The following RASGRP1 variants were observed in gnomAD, a reference collection of about 807,000 sequenced individuals.
RASGRP1 encodes the protein RAS guanyl releasing protein 1.
In RASGRP1, 37 loss-of-function variants were observed where a neutral mutation model predicts 95.1. The observed-to-expected ratio is 0.39, with a 90% CI of 0.30 to 0.51. The LOEUF (loss-of-function observed/expected upper bound fraction) is 0.51. Ranked by LOEUF, RASGRP1 falls within the 20% of genes least tolerant of loss-of-function variation. The pLI, the probability that RASGRP1 is intolerant of heterozygous loss-of-function variation, is 0.80. For missense variants in RASGRP1, 711 were observed against 965.4 expected (o/e 0.74, Z 3.49); for synonymous variants, 325 against 353.4 (o/e 0.92, Z 0.90).
chr15:38,520,413 G>A (rs1891956915), intron 3 of RASGRP1, among the ~76,000 whole-genome samples: 1 of 152,164 alleles, frequency 6.6e-6, no homozygotes, highest in Non-Finnish European at 1.5e-5. Context: ...GTTAAATAAA[G>A]AAAAGCAAAA....
intron 2 of RASGRP1, among the ~76,000 whole-genome samples, chr15:38,546,498 G>A (rs1893110897): frequency 6.6e-6 from 1 of 152,088 alleles, no homozygotes; most frequent in African/African-American, 2.4e-5. Flanking sequence ...CAAAGTGCTG[G>A]GATTACAGGC....
intron 2 of RASGRP1, among the ~76,000 whole-genome samples, chr15:38,554,005 C>T (rs1395099432): frequency 6.6e-6 from 1 of 152,184 alleles, no homozygotes; most frequent in Non-Finnish European, 1.5e-5. Context: ...GACAGTATTT[C>T]TCAACATCCA....
intron 2 of RASGRP1, among the ~76,000 whole-genome samples, chr15:38,557,049 T>C (rs1183746534): frequency 6.6e-6 from 1 of 152,198 alleles, no homozygotes; most frequent in Non-Finnish European, 1.5e-5. Flanking sequence ...TGCTTTAATC[T>C]AAAGCACCAC....
intron 13 of RASGRP1, 49 bp from the exon 14 acceptor site, chr15:38,500,188 G>T (rs1234124697): frequency 3.8e-6 from 6 of 1,590,536 alleles, no homozygotes; most frequent in Non-Finnish European, 5.2e-6. Flanking sequence ...TCCATCTGGT[G>T]TGAGGCTACA....
At chr15:38,541,806 G>A (rs1002762633) in intron 2 of RASGRP1, among the ~76,000 whole-genome samples, 1 of 152,176 alleles carries the variant, frequency 6.6e-6, no homozygotes, top group Non-Finnish European at 1.5e-5. Context: ...CAAGCCTGAA[G>A]AAGCTACAGG....
chr15:38,548,745 T>G (rs1566936009), intron 2 of RASGRP1, among the ~76,000 whole-genome samples: 1 of 152,180 alleles, frequency 6.6e-6, no homozygotes, highest in Non-Finnish European at 1.5e-5. Flanking sequence ...AGAAAAAAGG[T>G]TCACATACTA....
At chr15:38,513,072 G>A in intron 6 of RASGRP1, 116 bp from the exon 7 acceptor site, 1 of 1,047,524 alleles carries the variant, frequency 9.5e-7, no homozygotes, top group Non-Finnish European at 1.3e-6. Flanking sequence ...AACTGCCATG[G>A]AACAGAGGAG....
At chr15:38,499,803 G>A (rs1595823165) in intron 14 of RASGRP1, among the ~76,000 whole-genome samples, 1 of 152,264 alleles carries the variant, frequency 6.6e-6, no homozygotes, top group East Asian at 1.9e-4. Flanking sequence ...TGAATCCTGG[G>A]GGCGGTTACC....
chr15:38,514,597 T>C (rs1052416258), intron 6 of RASGRP1, among the ~76,000 whole-genome samples: 2 of 152,160 alleles, frequency 1.3e-5, no homozygotes, highest in African/African-American at 4.8e-5. Flanking sequence ...TAAAACTGTT[T>C]AGCACTGTAC....
intron 2 of RASGRP1, among the ~76,000 whole-genome samples, chr15:38,557,315 G>A (rs1893602928): frequency 6.6e-6 from 1 of 152,172 alleles, no homozygotes; most frequent in African/African-American, 2.4e-5. Flanking sequence ...ACAGACAAAA[G>A]GTGCTGGCTT....
intron 14 of RASGRP1, chr15:38,499,227 C>T: frequency 1.8e-6 from 1 of 561,876 alleles, no homozygotes; most frequent in Non-Finnish European, 3.3e-6. Context: ...ATACATTCTG[C>T]CTACTCTAGG....
intron 2 of RASGRP1, among the ~76,000 whole-genome samples, chr15:38,538,780 G>A (rs755731845): frequency 3.9e-5 from 6 of 152,144 alleles, no homozygotes; most frequent in Non-Finnish European, 8.8e-5. Context: ...CCAACAGAGA[G>A]ATAATCCAGA....
intron 9 of RASGRP1, 89 bp from the exon 10 acceptor site, chr15:38,506,009 G>A: frequency 9.5e-7 from 1 of 1,054,506 alleles, no homozygotes; most frequent in Non-Finnish European, 1.4e-6. Context: ...TTCCTTGCCA[G>A]TAGTTTACTC....
chr15:38,510,601 G>A (rs1250980478), intron 8 of RASGRP1, among the ~76,000 whole-genome samples: 1 of 152,212 alleles, frequency 6.6e-6, no homozygotes, highest in Non-Finnish European at 1.5e-5. Context: ...TGCTCAAAGA[G>A]CAGTCATTAT....
intron 2 of RASGRP1, among the ~76,000 whole-genome samples, chr15:38,529,576 T>G (rs1485161079): frequency 6.6e-6 from 1 of 152,242 alleles, no homozygotes; most frequent in Non-Finnish European, 1.5e-5. Flanking sequence ...CTCATGGTAC[T>G]TACCATTATC....
intron 3 of RASGRP1, among the ~76,000 whole-genome samples, chr15:38,523,205 A>T (rs1389091627): frequency 6.6e-6 from 1 of 152,236 alleles, no homozygotes; most frequent in Non-Finnish European, 1.5e-5. Context: ...CATGTGCTGC[A>T]TAACATTTTG....
At position 38,508,558 on chromosome 15, in the gene RASGRP1, A is replaced by G. The variant is rs188130694; in HGVS notation, c.967-557T>C. On this transcript the variant is annotated intron_variant, in intron 8 of 16. Transcript: ENST00000310803. ...TATGAGGTGCTTGATGGGCCTTTCAAGATTCTCAGAATGGGCCTATGACTA... is the reference window on the plus strand; with the variant it reads ...TATGAGGTGCTTGATGGGCCTTTCAGGATTCTCAGAATGGGCCTATGACTA... Among the ~76,000 whole-genome samples, 597 of 152,318 alleles carry G rather than the reference A, an allele frequency of 3.9e-3. 6 individuals carry two copies. Among genetic ancestry groups the G allele is most frequent in the African/African-American group, 0.013 (558 of 41,570 alleles).
chr15:38,519,296 A>G lies in RASGRP1; in HGVS notation c.389+13T>C. The G allele has an allele frequency of 6.6e-7, 1 of 1,517,322 alleles. No individual in the cohort carries two copies. Among genetic ancestry groups the G allele is most frequent in the South Asian group, 1.1e-5 (1 of 87,724 alleles). The allele number at this position is 1,517,322 out of a possible 1,614,324, so 94.0% of individuals were successfully genotyped here. On this transcript the variant is annotated intron_variant, in intron 4 of 16. Transcript: ENST00000310803. ...TGCTCCACAAAGTCTTGAAATACAT[A>G]AAGAAACATTACCTTACAAAATAAC...
chr15:38,516,255 G>A lies in RASGRP1; in HGVS notation c.617C>T (p.Pro206Leu), dbSNP rs1365085041. 6.2e-7 allele frequency: 1 copy of A among 1,600,620 alleles called. No homozygotes were observed. ...GGTGAGGTGCTCGGATAGCTCTTCT[G>A]GTTCCAGATGGTCAAAGAGCAGGGA... ...KVSLLFDHLE[P>L]EELSEHLTYL... The change falls in exon 6 of 17, where the codon CCA (proline) becomes CTA (leucine). Residue 206 changes from proline (P) to leucine (L), a missense_variant. Transcript: ENST00000310803.
Sources: gnomAD v4.1 joint callset for allele counts (sites outside exome capture counted in the v4.1 genomes callset) on GRCh38, gnomAD v4.1.1 for gene constraint, MANE v1.5 for transcripts, NCBI Gene and HGNC (gene_info 2026-07-23, HGNC 2026-07-21) for gene names.